The following CSMD1 variants were observed in gnomAD, a reference collection of about 807,000 sequenced individuals.
CSMD1 encodes the protein CUB and sushi domain-containing protein 1.
CSMD1 carries 213 observed loss-of-function variants against 417.5 expected under a neutral mutation model. That is an observed-to-expected ratio of 0.51 (90% CI 0.46 to 0.57). The LOEUF (loss-of-function observed/expected upper bound fraction) is 0.57, where lower values mean the gene tolerates loss of function less well. CSMD1 is among the 20% of genes least tolerant of loss of function. CSMD1 has a pLI of 0.00. For synonymous variants in CSMD1, 2,862 were observed against 1,736.8 expected (o/e 1.65, Z -16.11); for missense variants, 6,923 against 4,529.7 (o/e 1.53, Z -15.17).
intron 3 of CSMD1, among the ~76,000 whole-genome samples, chr8:4,162,015 T>A (rs1350262837): frequency 6.6e-6 from 1 of 152,210 alleles, no homozygotes; most frequent in South Asian, 2.1e-4. Context: ...CATTCTGTAT[T>A]TGCCTTCGAC....
intron 11 of CSMD1, among the ~76,000 whole-genome samples, chr8:3,487,581 C>G (rs1818126681): frequency 6.6e-6 from 1 of 152,138 alleles, no homozygotes. Context: ...TATTCTACAT[C>G]CACCAAAGTA....
chr8:3,807,202 G>C (rs575509638), intron 5 of CSMD1, among the ~76,000 whole-genome samples: 2 of 152,226 alleles, frequency 1.3e-5, no homozygotes, highest in Non-Finnish European at 2.9e-5. Flanking sequence ...AAATTTTCAT[G>C]AAGAAGCCAG....
At chr8:4,881,841 T>C (rs148375381) in intron 1 of CSMD1, among the ~76,000 whole-genome samples, 1 of 152,044 alleles carries the variant, frequency 6.6e-6, no homozygotes, top group Non-Finnish European at 1.5e-5. Context: ...GATTCTACAA[T>C]TCGAGCATTA....
chr8:4,866,030 A>T (rs181972653), intron 1 of CSMD1, among the ~76,000 whole-genome samples: 351 of 152,044 alleles, frequency 2.3e-3, no homozygotes, highest in Middle Eastern at 6.8e-3. Flanking sequence ...GTATTATGTC[A>T]TATTAAGTCT....
At chr8:4,004,250 C>A (rs1319771859) in intron 4 of CSMD1, among the ~76,000 whole-genome samples, 1 of 151,978 alleles carries the variant, frequency 6.6e-6, no homozygotes, top group Non-Finnish European at 1.5e-5. Context: ...AGTTTAACAT[C>A]TAAAAAACAT....
chr8:3,146,719 G>C (rs145934434), intron 40 of CSMD1, among the ~76,000 whole-genome samples: 21 of 152,276 alleles, frequency 1.4e-4, no homozygotes, highest in African/African-American at 4.6e-4. Context: ...GCAGGGTATA[G>C]AAAACAGCTG....
chr8:4,104,076 C>T (rs1801441389), intron 3 of CSMD1, among the ~76,000 whole-genome samples: 1 of 152,180 alleles, frequency 6.6e-6, no homozygotes, highest in African/African-American at 2.4e-5. Flanking sequence ...TAGGTTCTCC[C>T]TCAAGACACA....
chr8:3,714,024 G>GGAGATAGA (rs1563301663), intron 6 of CSMD1, among the ~76,000 whole-genome samples: 12 of 43,004 alleles, frequency 2.8e-4, no homozygotes, highest in Middle Eastern at 0.017. Flanking sequence ...GGCTCACTAT[G>GGAGATAGA]CAGATAGATA....
intron 3 of CSMD1, among the ~76,000 whole-genome samples, chr8:4,350,003 G>C (rs554104772): frequency 1.2e-4 from 18 of 152,096 alleles, no homozygotes; most frequent in African/African-American, 3.9e-4. Flanking sequence ...TGGTCCCTGA[G>C]CCCTGGAATC....
At chr8:4,023,912 C>G (rs913316880) in intron 4 of CSMD1, among the ~76,000 whole-genome samples, 1 of 151,370 alleles carries the variant, frequency 6.6e-6, no homozygotes, top group Non-Finnish European at 1.5e-5. Flanking sequence ...CCACAGCACC[C>G]GACCACTGCT....
chr8:3,644,645 T>A (rs1797483096), intron 7 of CSMD1, among the ~76,000 whole-genome samples: 1 of 152,012 alleles, frequency 6.6e-6, no homozygotes, highest in Non-Finnish European at 1.5e-5. Flanking sequence ...TTACCTTCAG[T>A]AAAGAGGGCA....
chr8:4,761,869 AT>A (rs1322850788), intron 1 of CSMD1, among the ~76,000 whole-genome samples: 263 of 89,448 alleles, frequency 2.9e-3, no homozygotes, highest in South Asian at 8.1e-3. Context: ...CTATCTATCT[AT>A]CTATCTATCT....
At chr8:3,943,287 C>T (rs1264257730) in intron 5 of CSMD1, among the ~76,000 whole-genome samples, 2 of 151,044 alleles carry the variant, frequency 1.3e-5, no homozygotes, top group Non-Finnish European at 2.9e-5. Context: ...GTATGCAAAG[C>T]ACTTTATCAC....
At chr8:3,195,799 A>C (rs1422644871) in intron 33 of CSMD1, among the ~76,000 whole-genome samples, 1 of 152,340 alleles carries the variant, frequency 6.6e-6, no homozygotes, top group Non-Finnish European at 1.5e-5. Flanking sequence ...GAACATATTC[A>C]ACATTTAAAA....
intron 23 of CSMD1, among the ~76,000 whole-genome samples, chr8:3,320,047 C>G (rs1806051524): frequency 6.6e-6 from 1 of 152,068 alleles, no homozygotes; most frequent in African/African-American, 2.4e-5. Flanking sequence ...AGAACCTCAT[C>G]ACTACCATGA....
chr8:3,036,775 C>T (rs1246369930), intron 50 of CSMD1, among the ~76,000 whole-genome samples: 1 of 152,150 alleles, frequency 6.6e-6, no homozygotes, highest in East Asian at 1.9e-4. Flanking sequence ...AAAAACCCGT[C>T]CACCAAGACA....
At chr8:3,578,162 T>A (rs887282582) in intron 9 of CSMD1, among the ~76,000 whole-genome samples, 2 of 152,162 alleles carry the variant, frequency 1.3e-5, no homozygotes, top group African/African-American at 4.8e-5. Context: ...ACCAGAAGGG[T>A]ATAATTTCTC....
At chr8:3,892,165 T>C (rs1807020364) in intron 5 of CSMD1, among the ~76,000 whole-genome samples, 2 of 152,136 alleles carry the variant, frequency 1.3e-5, no homozygotes, top group African/African-American at 4.8e-5. Flanking sequence ...GCCCCAAATA[T>C]ATGAGGCATT....
intron 51 of CSMD1, among the ~76,000 whole-genome samples, chr8:3,020,392 A>C (rs755751218): frequency 6.6e-6 from 1 of 152,204 alleles, no homozygotes; most frequent in South Asian, 2.1e-4. Context: ...ATGTAGACAG[A>C]GTCTTGCTCT....
Sources: allele counts gnomAD v4.1 joint callset (sites outside exome capture counted in the v4.1 genomes callset), GRCh38; gene constraint gnomAD v4.1.1; transcripts MANE v1.5; gene names NCBI Gene and HGNC (gene_info 2026-07-23, HGNC 2026-07-21).